The following INTS9 variants were observed in gnomAD, a reference collection of about 807,000 sequenced individuals.
INTS9 encodes the protein protein related to CPSF subunits of 74 kDa.
In INTS9, 55 loss-of-function variants were observed where a neutral mutation model predicts 79.7. That is an observed-to-expected ratio of 0.69 (90% confidence interval 0.56 to 0.86). The LOEUF is 0.86. Among genes scored for constraint, INTS9 ranks in the 40% least tolerant of loss-of-function variants. The probability of loss-of-function intolerance (pLI) is 0.00; values close to 1 mark genes in which losing one functional copy is unlikely to be tolerated. For synonymous variants in INTS9, 319 were observed against 325.2 expected (o/e 0.98, Z 0.20); for missense variants, 721 against 831.5 (o/e 0.87, Z 1.64).
Position 28,834,321 on chromosome 8 carries a change from C to T in INTS9, c.488+971G>A, listed in dbSNP as rs142436418. Reference sequence around the variant, plus strand: ...CCAGAGTTACTTTCCCCAAAACAAACGTAGTCATTAGCCTCCTTATAAACC... The same window carrying T: ...CCAGAGTTACTTTCCCCAAAACAAATGTAGTCATTAGCCTCCTTATAAACC... On this transcript the variant is annotated intron_variant, in intron 6 of 16. Transcript: ENST00000521022. Among the ~76,000 whole-genome samples the T allele has an allele frequency of 5.6e-3, 848 of 152,258 alleles. 9 individuals are homozygous for T. Among genetic ancestry groups the T allele is most frequent in the African/African-American group, 0.02 (812 of 41,556 alleles).
chr8:28,881,305 G>A (rs1246606923), intron 1 of INTS9, among the ~76,000 whole-genome samples: 3 of 146,236 alleles, frequency 2.1e-5, no homozygotes, highest in East Asian at 2.1e-4. Flanking sequence ...GGAGGTGGGG[G>A]GATCAGCCCC....
intron 1 of INTS9, among the ~76,000 whole-genome samples, chr8:28,872,512 A>C (rs1375603040): frequency 1.3e-5 from 2 of 151,928 alleles, no homozygotes; most frequent in Non-Finnish European, 2.9e-5. Context: ...ACTTGACTGC[A>C]ACTAGATGTA....
intron 1 of INTS9, among the ~76,000 whole-genome samples, chr8:28,886,191 A>G (rs1238005346): frequency 6.6e-6 from 1 of 152,212 alleles, no homozygotes; most frequent in Non-Finnish European, 1.5e-5. Flanking sequence ...TTAGCTCATC[A>G]AGAAAGTCCT....
chr8:28,780,930 C>G lies in INTS9; in HGVS notation c.1163G>C (p.Arg388Thr), dbSNP rs1563246280. 5.6e-6 allele frequency: 9 copies of G among 1,614,162 alleles called. No homozygotes were observed. Among genetic ancestry groups the G allele is most frequent in the Non-Finnish European group, 7.6e-6 (9 of 1,180,024 alleles). ...SIHGDFSNDF[R>T]QPCVVFTGHP... ...CCCGGTGAACACCACACAGGGCTGT[C>G]TAAAGTCGTTGCTGAAGTCTCCGTG... Residue 388 changes from arginine (R) to threonine (T), a missense_variant, in exon 12 of 17, where the codon AGA becomes ACA. By Grantham distance (71) the Arg-to-Thr change is moderately conservative. Coordinates refer to ENST00000521022, the MANE Select transcript of INTS9 (RefSeq NM_018250.4).
At chr8:28,886,961 A>T (rs990752796) in intron 1 of INTS9, among the ~76,000 whole-genome samples, 1 of 152,202 alleles carries the variant, frequency 6.6e-6, no homozygotes, top group African/African-American at 2.4e-5. Flanking sequence ...TTCACTCTTT[A>T]ATCTTTTCTC....
Position 28,842,558 on chromosome 8 carries a change from G to C in INTS9, c.261+4189C>G, listed in dbSNP as rs530569448. On this transcript the variant is annotated intron_variant, in intron 4 of 16. Transcript: ENST00000521022. Reference sequence around the variant, plus strand: ...GTCTCCTTCTTCATCATCTGGCACAGGTTCAGAAGCACTCATCTTGGTCGG... The same window carrying C: ...GTCTCCTTCTTCATCATCTGGCACACGTTCAGAAGCACTCATCTTGGTCGG... Among the ~76,000 whole-genome samples, 10 of 152,274 alleles carry C rather than the reference G, an allele frequency of 6.6e-5. No individual in the cohort carries two copies. In the South Asian group the frequency reaches 2.1e-3, roughly 32 times the overall value.
chr8:28,837,552 C>G (rs1212190055), intron 5 of INTS9, 85 bp downstream of exon 5: 1 of 1,428,854 alleles, frequency 7.0e-7, no homozygotes, highest in East Asian at 2.5e-5. Context: ...TAACCACCAG[C>G]CCTGGTATAA....
At chr8:28,776,236 G>A (rs188070058) in intron 13 of INTS9, 20 of 253,896 alleles carry the variant, frequency 7.9e-5, no homozygotes, top group Middle Eastern at 1.1e-3. Flanking sequence ...CTCGGGGCAC[G>A]GTCTTTCTCT....
rs140507043 is a variant in INTS9, at chr8:28,821,348, G to A, written c.489-7736C>T. ...GAGAAAATGAGGAAGAAGCAAAAGC[G>A]GAAGCCCCGATAAACCCATCAGATC... On this transcript the variant is annotated intron_variant, in intron 6 of 16. Coordinates refer to ENST00000521022, the MANE Select transcript of INTS9 (RefSeq NM_018250.4). Among the ~76,000 whole-genome samples the A allele has an allele frequency of 5.6e-4, 85 of 152,274 alleles. No homozygotes were observed. In the East Asian group the frequency reaches 9.2e-3, roughly 17 times the overall value.
intron 1 of INTS9, among the ~76,000 whole-genome samples, chr8:28,869,226 G>C (rs951447787): frequency 3.3e-5 from 5 of 152,074 alleles, no homozygotes; most frequent in Non-Finnish European, 5.9e-5. Context: ...GTTTAAAATA[G>C]AGATGGGGTT....
intron 11 of INTS9, among the ~76,000 whole-genome samples, chr8:28,786,568 T>G (rs1163176735): frequency 6.6e-6 from 1 of 152,054 alleles, no homozygotes; most frequent in Non-Finnish European, 1.5e-5. Context: ...GTTGGGATTA[T>G]AGGTGTGAGC....
chr8:28,812,637 G>T (rs1484264560), intron 7 of INTS9, among the ~76,000 whole-genome samples, 176 bp from the exon 8 acceptor site: 5 of 152,220 alleles, frequency 3.3e-5, no homozygotes, highest in Admixed American at 3.3e-4. Context: ...TTGGGAGGCT[G>T]AGGCCAGGAG....
At chr8:28,772,536 C>T (rs936289945) in intron 14 of INTS9, among the ~76,000 whole-genome samples, 9 of 151,602 alleles carry the variant, frequency 5.9e-5, no homozygotes, top group East Asian at 2.0e-4. Context: ...GGGCCGGGCA[C>T]GGTGGTTCAC....
chr8:28,889,946 T>C lies in INTS9; in HGVS notation c.-64A>G. On this transcript the variant is annotated 5_prime_UTR_variant, in exon 1 of 17. Transcript: ENST00000521022. ...CTCAAACCCAGGAAGCGTCTTCCGG[T>C]GCAATCTCCGCCACCTGCCAGCCGA... The C allele has an allele frequency of 1.4e-6, 2 of 1,411,922 alleles. No homozygotes were observed. Among genetic ancestry groups the C allele is most frequent in the East Asian group, 2.3e-5 (1 of 43,570 alleles). The allele number at this position is 1,411,922 out of a possible 1,614,324, so 87.5% of individuals were successfully genotyped here.
At chr8:28,851,369 T>A (rs936443873) in intron 2 of INTS9, among the ~76,000 whole-genome samples, 1 of 152,046 alleles carries the variant, frequency 6.6e-6, no homozygotes, top group South Asian at 2.1e-4. Context: ...GAATAAAATA[T>A]AAATGCATCT....
At chr8:28,873,773 A>C (rs1018223487) in intron 1 of INTS9, among the ~76,000 whole-genome samples, 14 of 152,200 alleles carry the variant, frequency 9.2e-5, no homozygotes, top group Non-Finnish European at 1.2e-4. Flanking sequence ...ATTTGTCTAT[A>C]CTCAACATGT....
chr8:28,853,514 A>C (rs1361612050), intron 2 of INTS9, among the ~76,000 whole-genome samples: 1 of 152,148 alleles, frequency 6.6e-6, no homozygotes, highest in Non-Finnish European at 1.5e-5. Context: ...CTTTGCACCC[A>C]CTATTTTACT....
intron 12 of INTS9, among the ~76,000 whole-genome samples, chr8:28,779,913 G>A (rs1006842675): frequency 4.6e-5 from 7 of 152,226 alleles, no homozygotes; most frequent in Admixed American, 6.5e-5. Context: ...CCCAACAGCC[G>A]CCATGTGCCG....
intron 8 of INTS9, among the ~76,000 whole-genome samples, chr8:28,811,169 C>T (rs1805107774): frequency 6.6e-6 from 1 of 150,952 alleles, no homozygotes; most frequent in African/African-American, 2.4e-5. Flanking sequence ...CACTCTGTCA[C>T]CCAGGCTGGG....
Sources: allele counts gnomAD v4.1 joint callset (sites outside exome capture counted in the v4.1 genomes callset), GRCh38; gene constraint gnomAD v4.1.1; transcripts MANE v1.5; gene names NCBI Gene and HGNC (gene_info 2026-07-23, HGNC 2026-07-21).